Variants in CSMD1 observed in about 807,000 individuals in gnomAD.
The protein encoded by CSMD1 is CUB and sushi domain-containing protein 1.
Under a neutral mutation model 417.5 loss-of-function variants are expected in CSMD1, and 213 were observed. The observed-to-expected ratio is 0.51, with a 90% CI of 0.46 to 0.57. CSMD1 has a LOEUF of 0.57. CSMD1 is among the 20% of genes least tolerant of loss of function. The probability of loss-of-function intolerance (pLI) is 0.00; values close to 1 mark genes in which losing one functional copy is unlikely to be tolerated. For missense variants in CSMD1, 6,923 were observed against 4,529.7 expected, an observed-to-expected ratio of 1.53 and a Z score of -15.17; for synonymous variants, 2,862 against 1,736.8, an observed-to-expected ratio of 1.65 and a Z score of -16.11.
At chr8:3,964,284 C>G (rs1270512621) in intron 5 of CSMD1, among the ~76,000 whole-genome samples, 1 of 152,120 alleles carries the variant, frequency 6.6e-6, no homozygotes, top group Non-Finnish European at 1.5e-5. Flanking sequence ...TCACAGGCTG[C>G]TTTAGGGAGC....
At chr8:3,873,680 T>A (rs540592013) in intron 5 of CSMD1, among the ~76,000 whole-genome samples, 18 of 152,194 alleles carry the variant, frequency 1.2e-4, no homozygotes, top group Non-Finnish European at 2.5e-4. Context: ...ATGACATGTA[T>A]CCCTGAACTT....
intron 11 of CSMD1, among the ~76,000 whole-genome samples, chr8:3,478,913 C>A (rs548591240): frequency 6.6e-6 from 1 of 152,248 alleles, no homozygotes; most frequent in East Asian, 1.9e-4. Context: ...GTCTCTTCCC[C>A]ACCCAGACAC....
In CSMD1 at chr8:3,986,253, C is replaced by T. The variant is rs1159340703; in HGVS notation, c.818+11650G>A. On this transcript the variant is annotated intron_variant, in intron 5 of 69. Transcript: ENST00000635120. ...AGGAAGAGCTTTATAACTTCCCTCG[C>T]CTGGCTGAGGGCATCAACATTCTCT... is the stretch of plus-strand genomic sequence containing the variant. Among the ~76,000 whole-genome samples the T allele has an allele frequency of 2.0e-5, 3 of 152,236 alleles. No individual in the cohort carries two copies. In the South Asian group the frequency reaches 6.2e-4, roughly 32 times the overall value.
chr8:3,463,739 A>G (rs1299194406), intron 12 of CSMD1, among the ~76,000 whole-genome samples: 1 of 152,220 alleles, frequency 6.6e-6, no homozygotes, highest in Non-Finnish European at 1.5e-5. Flanking sequence ...ATGCCAGTAC[A>G]ACCACGCAAG....
At chr8:3,283,062 G>C (rs1802859199) in intron 26 of CSMD1, among the ~76,000 whole-genome samples, 1 of 152,096 alleles carries the variant, frequency 6.6e-6, no homozygotes, top group Admixed American at 6.6e-5. Flanking sequence ...AAATGGGCTA[G>C]ACAGCAAAAA....
chr8:4,372,795 T>C (rs928090336), intron 3 of CSMD1, among the ~76,000 whole-genome samples: 1 of 151,432 alleles, frequency 6.6e-6, no homozygotes, highest in Admixed American at 6.6e-5. Flanking sequence ...ATAAATATAC[T>C]TGAGTGCATA....
chr8:4,081,450 C>G (rs950178717), intron 3 of CSMD1, among the ~76,000 whole-genome samples: 18 of 152,122 alleles, frequency 1.2e-4, no homozygotes, highest in African/African-American at 2.9e-4. Context: ...TCTGGGGACT[C>G]CAGCCACGGT....
At chr8:4,116,391 C>G (rs117132127) in intron 3 of CSMD1, among the ~76,000 whole-genome samples, 1,646 of 152,080 alleles carry the variant, frequency 0.011, 18 homozygotes, top group Non-Finnish European at 0.016. Flanking sequence ...GAATATACCA[C>G]ACCATGAATG....
At chr8:3,738,785 G>C (rs1458637927) in intron 6 of CSMD1, among the ~76,000 whole-genome samples, 5 of 152,144 alleles carry the variant, frequency 3.3e-5, no homozygotes, top group Non-Finnish European at 7.3e-5. Context: ...CGTCAACTGG[G>C]TGCACTATAC....
rs551400332 is a variant in CSMD1 at position 4,712,712 on chromosome 8, C to T, written c.86-75154G>A. Among the ~76,000 whole-genome samples the T allele has an allele frequency of 5.8e-3, 886 of 152,128 alleles. 1 individual carries two copies. Among genetic ancestry groups the T allele is most frequent in the Middle Eastern group, 0.01 (3 of 292 alleles). On this transcript the variant is annotated intron_variant, in intron 1 of 69. Coordinates refer to ENST00000635120, the MANE Select transcript of CSMD1 (RefSeq NM_033225.6). ...AATAATAGTGACGGTGTGTTTTTTT[C>T]TCTCTCTCTTTTTTCACTTGTGATA... is the stretch of plus-strand genomic sequence containing the variant.
chr8:4,632,970 C>A (rs748805800), intron 2 of CSMD1, among the ~76,000 whole-genome samples: 5 of 152,152 alleles, frequency 3.3e-5, no homozygotes, highest in Non-Finnish European at 7.3e-5. Context: ...GACTGAAGGA[C>A]AGAATGCAGT....
intron 2 of CSMD1, among the ~76,000 whole-genome samples, chr8:4,534,263 G>A (rs1041132990): frequency 6.6e-6 from 1 of 152,164 alleles, no homozygotes; most frequent in African/African-American, 2.4e-5. Flanking sequence ...GATGCTGAAG[G>A]ACGCCCAAGG....
In CSMD1 at chr8:3,219,271, GA is replaced by G; in HGVS notation, c.4655del (p.Phe1552SerfsTer19). ...RSDASVGLSG[F>X]AIEFKEKPRE... ...TCGCAATACCTTTAAATTCAATGGC[GA>G]ACCCTGAAAGGCCCACGGAGGCATC... is the stretch of plus-strand genomic sequence containing the variant. On this transcript the variant is annotated frameshift_variant, in exon 29 of 70. Coordinates refer to ENST00000635120, the MANE Select transcript of CSMD1 (RefSeq NM_033225.6). LOFTEE classifies it high-confidence loss of function. The G allele has an allele frequency of 6.3e-7, 1 of 1,592,796 alleles. No homozygotes were observed.
In CSMD1 at chr8:3,668,393, T is replaced by G. The variant is rs1482973727; in HGVS notation, c.1009+40021A>C. On this transcript the variant is annotated intron_variant, in intron 7 of 69. Transcript: ENST00000635120. Reference sequence around the variant, plus strand: ...CCAGACCCAAATTCTGTTTTAAATATGTATTTTTAAGATAACTCAGGTAGC... The same window carrying G: ...CCAGACCCAAATTCTGTTTTAAATAGGTATTTTTAAGATAACTCAGGTAGC... 2.0e-5 allele frequency among the ~76,000 whole-genome samples: 3 copies of G among 152,260 alleles called. No individual in the cohort carries two copies. The East Asian group carries it at 5.8e-4, about 29-fold the overall frequency.
intron 1 of CSMD1, among the ~76,000 whole-genome samples, chr8:4,854,640 G>C (rs1425128008): frequency 6.6e-6 from 1 of 152,176 alleles, no homozygotes; most frequent in Admixed American, 6.5e-5. Flanking sequence ...CTGAGTCAAA[G>C]AAAGGGGTGA....
intron 2 of CSMD1, among the ~76,000 whole-genome samples, chr8:4,513,507 C>A (rs1163452129): frequency 6.6e-6 from 1 of 152,116 alleles, no homozygotes; most frequent in Non-Finnish European, 1.5e-5. Context: ...GTAACATTTA[C>A]TCTTTAAGTT....
chr8:4,657,500 G>T (rs1377360267), intron 1 of CSMD1, among the ~76,000 whole-genome samples: 1 of 151,648 alleles, frequency 6.6e-6, no homozygotes, highest in Non-Finnish European at 1.5e-5. Context: ...TTAGTTAAAG[G>T]GACAAAGGCT....
At chr8:3,934,541 CACTA>C (rs370967116) in intron 5 of CSMD1, among the ~76,000 whole-genome samples, 19 of 152,084 alleles carry the variant, frequency 1.2e-4, no homozygotes, top group African/African-American at 3.4e-4. Flanking sequence ...CTGCCTTTAT[CACTA>C]ACTAAGGGTT....
At chr8:4,417,958 A>T (rs1349988417) in intron 3 of CSMD1, among the ~76,000 whole-genome samples, 1 of 152,044 alleles carries the variant, frequency 6.6e-6, no homozygotes, top group East Asian at 1.9e-4. Flanking sequence ...CTTCTACTCT[A>T]GATTATCTTA....
Sources: gnomAD v4.1 joint callset for allele counts (sites outside exome capture counted in the v4.1 genomes callset) on GRCh38, gnomAD v4.1.1 for gene constraint, MANE v1.5 for transcripts, NCBI Gene and HGNC (gene_info 2026-07-23, HGNC 2026-07-21) for gene names.